Variants in CDH11 observed in about 807,000 individuals in gnomAD.
The protein encoded by CDH11 is cadherin 11, also known as cadherin-11.
A neutral mutation model predicts 67.8 loss-of-function variants in CDH11; 11 were observed. The ratio of observed to expected loss-of-function variants is 0.16; its 90% CI spans 0.10 to 0.27. The LOEUF is 0.27. CDH11 is among the 10% of genes least tolerant of loss of function. CDH11 has a pLI of 1.00. For missense variants in CDH11, 847 were observed against 1,031.2 expected, an observed-to-expected ratio of 0.82 and a Z score of 2.45; for synonymous variants, 419 against 400.0, an observed-to-expected ratio of 1.05 and a Z score of -0.57.
intron 1 of CDH11, among the ~76,000 whole-genome samples, chr16:65,074,921 G>C (rs185578747): frequency 1.3e-5 from 2 of 152,116 alleles, no homozygotes; most frequent in African/African-American, 4.8e-5. Context: ...CTATTAAAGT[G>C]TATATACTTG....
chr16:64,956,744 C>T (rs540506400), intron 11 of CDH11, among the ~76,000 whole-genome samples: 1 of 152,270 alleles, frequency 6.6e-6, no homozygotes, highest in East Asian at 1.9e-4. Context: ...CTCCTAATTG[C>T]ATGCTGCTTT....
intron 11 of CDH11, among the ~76,000 whole-genome samples, chr16:64,970,254 A>G (rs951824442): frequency 2.0e-5 from 3 of 152,172 alleles, no homozygotes; most frequent in African/African-American, 7.2e-5. Context: ...TAAGGCCCAT[A>G]ATTAAATACT....
chr16:65,071,891 A>G (rs1223395249), intron 1 of CDH11: 2 of 152,316 alleles, frequency 1.3e-5, no homozygotes, highest in African/African-American at 2.4e-5. Flanking sequence ...CGGCACTGCC[A>G]GCCTCAAGCT....
intron 1 of CDH11, among the ~76,000 whole-genome samples, chr16:65,102,700 C>T (rs1381400858): frequency 1.3e-5 from 2 of 152,220 alleles, no homozygotes; most frequent in African/African-American, 4.8e-5. Flanking sequence ...GTGTTAGAGA[C>T]ACTGAAGCTT....
At chr16:64,980,026 G>C (rs1022564377) in intron 8 of CDH11, among the ~76,000 whole-genome samples, 1 of 152,158 alleles carries the variant, frequency 6.6e-6, no homozygotes, top group Non-Finnish European at 1.5e-5. Context: ...CAAACATACA[G>C]ACACAAAATA....
intron 1 of CDH11, among the ~76,000 whole-genome samples, chr16:65,096,756 G>A (rs1456852941): frequency 6.6e-6 from 1 of 151,520 alleles, no homozygotes; most frequent in African/African-American, 2.4e-5. Flanking sequence ...GTTGAACTTC[G>A]ACTAATACCT....
rs148914162 is a variant in CDH11, at chr16:64,974,110, G to A, written c.1254-1070C>T. On this transcript the variant is annotated intron_variant, in intron 8 of 12. Coordinates refer to ENST00000268603, the MANE Select transcript of CDH11 (RefSeq NM_001797.4). Reference sequence around the variant, plus strand: ...TGGCAAAGTGAGGTGGGAGATGGCGGAAGAATGGCATTTACTGAGTTGTAG... The same window carrying A: ...TGGCAAAGTGAGGTGGGAGATGGCGAAAGAATGGCATTTACTGAGTTGTAG... Among the ~76,000 whole-genome samples the A allele has an allele frequency of 1.3e-3, 196 of 152,304 alleles. 1 individual carries two copies. The highest frequency in any genetic ancestry group is 4.6e-3 in the African/African-American group (192 of 41,572).
chr16:64,982,318 G>A lies in CDH11; in HGVS notation c.1000-17C>T, dbSNP rs1421019152. On this transcript the variant is annotated splice_polypyrimidine_tract_variant and intron_variant, in intron 7 of 12. Transcript: ENST00000268603. ...ATCTACAGGCTGGCAAGAATGAAGA[G>A]AAGATTGACAACCAATTCCTTGAAA... 6.3e-6 allele frequency: 10 copies of A among 1,597,984 alleles called. No individual in the cohort carries two copies. Among genetic ancestry groups the A allele is most frequent in the Non-Finnish European group, 8.6e-6 (10 of 1,167,966 alleles).
At chr16:65,063,698 TAC>T (rs139185602) in intron 1 of CDH11, among the ~76,000 whole-genome samples, 3 of 151,860 alleles carry the variant, frequency 2.0e-5, no homozygotes, top group African/African-American at 7.3e-5. Context: ...TGTGTGTCAG[TAC>T]ACACACACAC....
intron 11 of CDH11, among the ~76,000 whole-genome samples, chr16:64,965,535 T>A (rs2071796440): frequency 1.3e-5 from 2 of 152,148 alleles, no homozygotes; most frequent in Admixed American, 6.5e-5. Context: ...GGAGCTGTTG[T>A]CTTCTATGGT....
At chr16:65,076,961 C>A (rs1169404746) in intron 1 of CDH11, among the ~76,000 whole-genome samples, 1 of 152,150 alleles carries the variant, frequency 6.6e-6, no homozygotes, top group African/African-American at 2.4e-5. Context: ...GAGCTTTGAT[C>A]AACCCCATTT....
intron 7 of CDH11, chr16:64,986,232 T>C (rs952162351): frequency 1.1e-4 from 16 of 152,024 alleles, no homozygotes; most frequent in African/African-American, 3.4e-4. Flanking sequence ...TGCTAGAAGT[T>C]TGAGCAAATG....
intron 1 of CDH11, among the ~76,000 whole-genome samples, chr16:65,091,708 C>T (rs954081668): frequency 3.9e-5 from 6 of 151,990 alleles, no homozygotes; most frequent in Admixed American, 1.3e-4. Flanking sequence ...CCCACCACCA[C>T]GCCCGGCTAA....
At chr16:64,953,972 A>C (rs2071434247) in intron 11 of CDH11, among the ~76,000 whole-genome samples, 1 of 152,208 alleles carries the variant, frequency 6.6e-6, no homozygotes, top group African/African-American at 2.4e-5. Flanking sequence ...TTATTTTTAT[A>C]AACTTGTGGA....
At chr16:65,026,389 T>C (rs901444437) in intron 2 of CDH11, among the ~76,000 whole-genome samples, 5 of 152,184 alleles carry the variant, frequency 3.3e-5, no homozygotes, top group African/African-American at 1.2e-4. Context: ...TGAAGCTATA[T>C]ATGACCCATT....
intron 1 of CDH11, chr16:65,094,869 G>A (rs1232449564): frequency 6.6e-6 from 1 of 151,956 alleles, no homozygotes; most frequent in African/African-American, 2.4e-5. Context: ...GTGGCACCTT[G>A]ATCCCGAGAC....
intron 2 of CDH11, among the ~76,000 whole-genome samples, chr16:65,038,154 C>T (rs1433743890): frequency 1.3e-5 from 2 of 152,056 alleles, no homozygotes; most frequent in Non-Finnish European, 2.9e-5. Context: ...TTTATCTAGG[C>T]TTCCCGAATG....
intron 11 of CDH11, among the ~76,000 whole-genome samples, chr16:64,961,091 C>T (rs1292793095): frequency 6.6e-6 from 1 of 152,068 alleles, no homozygotes; most frequent in Non-Finnish European, 1.5e-5. Context: ...TCCTGGCACT[C>T]ATTTTTTCAT....
At chr16:65,025,670 C>T (rs1054341147) in intron 2 of CDH11, among the ~76,000 whole-genome samples, 1 of 152,110 alleles carries the variant, frequency 6.6e-6, no homozygotes, top group African/African-American at 2.4e-5. Context: ...GGCTTTTAAC[C>T]TTTAGAAGTG....
Sources: gnomAD v4.1 joint callset for allele counts (sites outside exome capture counted in the v4.1 genomes callset) on GRCh38, gnomAD v4.1.1 for gene constraint, MANE v1.5 for transcripts, NCBI Gene and HGNC (gene_info 2026-07-23, HGNC 2026-07-21) for gene names.